BICC1: variants seen among roughly 807,000 people sequenced by gnomAD.
BICC1 encodes BicC family RNA binding protein 1, also known as protein bicaudal C homolog 1.
In BICC1, 43 loss-of-function variants were observed where a neutral mutation model predicts 111.0. The observed-to-expected ratio is 0.39, with a 90% CI of 0.30 to 0.50. BICC1 has a LOEUF of 0.50. Ranked by LOEUF, BICC1 falls within the 20% of genes least tolerant of loss-of-function variation. The pLI, the probability that BICC1 is intolerant of heterozygous loss-of-function variation, is 0.88. For missense variants in BICC1, 1,091 were observed against 1,203.2 expected (o/e 0.91, Z 1.38); for synonymous variants, 467 against 434.4 (o/e 1.07, Z -0.93).
At position 58,807,198 on chromosome 10, in the gene BICC1, C is replaced by T. The variant is rs1188938417; in HGVS notation, c.2376+40C>T. ...GTCCTACTCATTCTTCCTGTCTGTT[C>T]TTTCAGCAAAAGAGGACAGTCCTTC... On this transcript the variant is annotated intron_variant, in intron 17 of 20. Coordinates refer to ENST00000373886, the MANE Select transcript of BICC1 (RefSeq NM_001080512.3). 3 of 1,577,330 alleles carry T rather than the reference C, an allele frequency of 1.9e-6. 1 individual carries two copies. The African/African-American group carries it at 4.1e-5, about 21-fold the overall frequency.
intron 3 of BICC1, among the ~76,000 whole-genome samples, chr10:58,776,751 GAACTGTTATATACAA>G (rs1220580061): frequency 6.6e-6 from 1 of 152,120 alleles, no homozygotes; most frequent in Non-Finnish European, 1.5e-5. Context: ...GCTTTCTGTA[GAACTGTTATATACAA>G]ACCATTCTAA....
chr10:58,725,980 T>G (rs1841091319), intron 3 of BICC1, among the ~76,000 whole-genome samples: 1 of 152,254 alleles, frequency 6.6e-6, no homozygotes, highest in African/African-American at 2.4e-5. Context: ...AACTTTAATG[T>G]TGATTGTTAA....
At chr10:58,550,725 T>G (rs1843274167) in intron 1 of BICC1, among the ~76,000 whole-genome samples, 1 of 152,152 alleles carries the variant, frequency 6.6e-6, no homozygotes, top group Admixed American at 6.5e-5. Context: ...CCTTTCTGTG[T>G]TTTTCATAAA....
chr10:58,665,735 T>G (rs942193390), intron 2 of BICC1, among the ~76,000 whole-genome samples: 2 of 152,190 alleles, frequency 1.3e-5, no homozygotes, highest in African/African-American at 4.8e-5. Context: ...TTCTATTCTT[T>G]AAACATTTTT....
intron 2 of BICC1, among the ~76,000 whole-genome samples, chr10:58,651,898 T>C (rs1449146095): frequency 1.3e-5 from 2 of 152,172 alleles, no homozygotes; most frequent in Non-Finnish European, 2.9e-5. Context: ...AGTGCATCCT[T>C]TTCTTGAGAT....
chr10:58,656,938 A>T (rs910428436), intron 2 of BICC1, among the ~76,000 whole-genome samples: 1 of 152,144 alleles, frequency 6.6e-6, no homozygotes, highest in African/African-American at 2.4e-5. Flanking sequence ...TTAGAAGGTC[A>T]CACACTGGTT....
chr10:58,649,828 G>A (rs116910457), intron 2 of BICC1, among the ~76,000 whole-genome samples: 83 of 139,342 alleles, frequency 6.0e-4, no homozygotes, highest in Non-Finnish European at 9.9e-4. Flanking sequence ...AGGAACTAAG[G>A]CACAGAAAGG....
chr10:58,803,089 G>C lies in BICC1; in HGVS notation c.2028G>C (p.Arg676Ser). The change falls in exon 15 of 21, where the codon AGG (arginine) becomes AGC (serine). Residue 676 changes from arginine to serine, a missense_variant. This residue lies in a region of BICC1 where 843 missense variants were observed against 900.8 expected (regional missense o/e 0.94). Transcript: ENST00000373886. ...TKNSHLHSTDRLLSDPELSAT... is the reference protein window; with the variant it reads ...TKNSHLHSTDSLLSDPELSAT... Reference sequence around the variant, plus strand: ...TCTTATTTCACAGCAGCACTGACAGGTTGCTCTCAGACCCTGAACTGAGTG... The same window carrying C: ...TCTTATTTCACAGCAGCACTGACAGCTTGCTCTCAGACCCTGAACTGAGTG... 1 of 1,599,224 alleles carries C rather than the reference G, an allele frequency of 6.3e-7. No individual in the cohort carries two copies. The highest frequency in any genetic ancestry group is 8.5e-7 in the Non-Finnish European group (1 of 1,172,864).
chr10:58,514,859 T>C (rs1842199369), intron 1 of BICC1, among the ~76,000 whole-genome samples: 1 of 152,186 alleles, frequency 6.6e-6, no homozygotes. Flanking sequence ...TAAAACAAAA[T>C]ATTAAATTTA....
At chr10:58,695,296 T>G (rs1840035902) in intron 2 of BICC1, among the ~76,000 whole-genome samples, 1 of 152,170 alleles carries the variant, frequency 6.6e-6, no homozygotes, top group Non-Finnish European at 1.5e-5. Context: ...TTTTCTCACT[T>G]AGCTCCCTTC....
intron 3 of BICC1, among the ~76,000 whole-genome samples, chr10:58,714,374 A>G (rs188725322): frequency 2.6e-5 from 4 of 152,350 alleles, no homozygotes; most frequent in Non-Finnish European, 2.9e-5. Flanking sequence ...GGTAAAAGAG[A>G]TAAAACATAG....
At chr10:58,675,448 G>T (rs1378397714) in intron 2 of BICC1, among the ~76,000 whole-genome samples, 3 of 151,998 alleles carry the variant, frequency 2.0e-5, no homozygotes, top group Non-Finnish European at 4.4e-5. Context: ...TAAAAGAGAA[G>T]GAAATCCTGC....
At chr10:58,627,615 T>C (rs1175686161) in intron 2 of BICC1, among the ~76,000 whole-genome samples, 1 of 152,128 alleles carries the variant, frequency 6.6e-6, no homozygotes, top group Non-Finnish European at 1.5e-5. Context: ...GAAGCAACTT[T>C]TGAAGAGGGT....
At chr10:58,605,155 CT>C (rs1056897717) in intron 1 of BICC1, among the ~76,000 whole-genome samples, 1 of 152,144 alleles carries the variant, frequency 6.6e-6, no homozygotes, top group Admixed American at 6.6e-5. Context: ...TTTGTATTCT[CT>C]TTGTGGTGTG....
chr10:58,726,986 G>T (rs1349614112), intron 3 of BICC1, among the ~76,000 whole-genome samples: 1 of 152,172 alleles, frequency 6.6e-6, no homozygotes, highest in Non-Finnish European at 1.5e-5. Context: ...GTGGATGGAA[G>T]ATTGAGGAAA....
At chr10:58,807,651 A>T (rs530687377) in intron 17 of BICC1, among the ~76,000 whole-genome samples, 2 of 152,184 alleles carry the variant, frequency 1.3e-5, no homozygotes, top group African/African-American at 4.8e-5. Context: ...CAAAATTTTT[A>T]TGTTTCCCAG....
At chr10:58,750,411 A>C (rs1841954002) in intron 3 of BICC1, among the ~76,000 whole-genome samples, 1 of 152,194 alleles carries the variant, frequency 6.6e-6, no homozygotes, top group South Asian at 2.1e-4. Context: ...AGGAAGAAAA[A>C]AAATGCCACT....
intron 1 of BICC1, among the ~76,000 whole-genome samples, chr10:58,580,426 CAA>C (rs1338125431): frequency 6.6e-6 from 1 of 152,070 alleles, no homozygotes; most frequent in East Asian, 1.9e-4. Context: ...ACATGATGCT[CAA>C]AGGAAATGTT....
At chr10:58,613,786 A>G (rs1320649328) in intron 1 of BICC1, among the ~76,000 whole-genome samples, 1 of 152,134 alleles carries the variant, frequency 6.6e-6, no homozygotes, top group Non-Finnish European at 1.5e-5. Flanking sequence ...ACTGAATTTT[A>G]ACTTTGGCTT....
Sources: gnomAD v4.1 joint callset for allele counts (sites outside exome capture counted in the v4.1 genomes callset) on GRCh38, gnomAD v4.1.1 for gene constraint, gnomAD v4.1.1 regional missense constraint, MANE v1.5 for transcripts, NCBI Gene and HGNC (gene_info 2026-07-23, HGNC 2026-07-21) for gene names.